Variants in MRTFB observed in about 807,000 individuals in gnomAD.
MRTFB encodes the protein myocardin related transcription factor B.
In MRTFB, 29 loss-of-function variants were observed where a neutral mutation model predicts 104.2. The ratio of observed to expected loss-of-function variants is 0.28; its 90% CI spans 0.21 to 0.38. MRTFB has a LOEUF of 0.38. Among genes scored for constraint, MRTFB ranks in the 10% least tolerant of loss-of-function variants. MRTFB has a pLI of 1.00. For synonymous variants in MRTFB, 535 were observed against 519.5 expected, an observed-to-expected ratio of 1.03 and a Z score of -0.41; for missense variants, 1,270 against 1,341.6, an observed-to-expected ratio of 0.95 and a Z score of 0.83.
At chr16:14,240,696 T>G (rs1227104004) in intron 10 of MRTFB, 6 of 880,234 alleles carry the variant, frequency 6.8e-6, no homozygotes, top group Non-Finnish European at 1.9e-6. Context: ...AAATAGGTTC[T>G]GAATTTTTAC....
chr16:14,240,906 G>C (rs2042739290), intron 10 of MRTFB: 1 of 612,226 alleles, frequency 1.6e-6, no homozygotes, highest in Non-Finnish European at 2.9e-6. Flanking sequence ...TATATAGAAG[G>C]CTCGAGAAGG....
chr16:14,226,908 G>A (rs1450682420), intron 8 of MRTFB, among the ~76,000 whole-genome samples: 3 of 151,972 alleles, frequency 2.0e-5, no homozygotes, highest in Admixed American at 1.3e-4. Flanking sequence ...CTGGAGCCCA[G>A]GTTTGAGGTT....
At chr16:14,120,784 G>T (rs1192226996) in intron 2 of MRTFB, among the ~76,000 whole-genome samples, 1 of 152,150 alleles carries the variant, frequency 6.6e-6, no homozygotes. Context: ...ATAGTGGGTG[G>T]TTGTGCTAGG....
intron 3 of MRTFB, among the ~76,000 whole-genome samples, chr16:14,194,813 T>TA (rs2040356565): frequency 6.6e-6 from 1 of 151,988 alleles, no homozygotes. Context: ...AATTCCTTTG[T>TA]AAAACTCAGT....
Position 14,247,065 on chromosome 16 carries a change from TTGA to T in MRTFB, c.1806_1808del (p.Glu603del). The T allele has an allele frequency of 1.9e-6, 3 of 1,614,086 alleles. No homozygotes were observed. Among genetic ancestry groups the T allele is most frequent in the Non-Finnish European group, 2.5e-6 (3 of 1,180,004 alleles). Reference sequence around the variant, plus strand: ...CTCGTGGAAGTGCTGAAAATGCAACTTGAGGTTGAAAAACGAGGGCAGCAGCAG... The same window carrying T: ...CTCGTGGAAGTGCTGAAAATGCAACTGGTTGAAAAACGAGGGCAGCAGCAG... On this transcript the variant is annotated inframe_deletion, in exon 12 of 17. Transcript: ENST00000571589.
chr16:14,082,338 A>G (rs2034459608), intron 2 of MRTFB, among the ~76,000 whole-genome samples: 3 of 152,260 alleles, frequency 2.0e-5, no homozygotes, highest in African/African-American at 4.8e-5. Context: ...GTCAAAAATC[A>G]GTTGACTGTA....
rs537568245 is a variant in MRTFB at position 14,130,851 on chromosome 16, C to T, written c.-63-9693C>T. Among the ~76,000 whole-genome samples, 12 of 152,220 alleles carry T rather than the reference C, an allele frequency of 7.9e-5. No homozygotes were observed. In the South Asian group the frequency reaches 2.5e-3, roughly 32 times the overall value. On this transcript the variant is annotated intron_variant, in intron 2 of 16. Transcript: ENST00000571589. ...CTTCACGGAACAGCAGGAGAGGGAA[C>T]AATGAGCAAAGAGGGAAAAACACCT...
At chr16:14,023,521 G>C in the MRTFB span, among the ~76,000 whole-genome samples, 1 of 151,652 alleles carries the variant, frequency 6.6e-6, no homozygotes, top group East Asian at 1.9e-4. Flanking sequence ...TAAGCTCTGT[G>C]CTTCAGTTTC....
intron 8 of MRTFB, among the ~76,000 whole-genome samples, chr16:14,228,892 AATG>A (rs2042132778): frequency 6.6e-6 from 1 of 152,118 alleles, no homozygotes; most frequent in Non-Finnish European, 1.5e-5. Flanking sequence ...CAGAAAAGAA[AATG>A]ATGATTGCCT....
intron 3 of MRTFB, chr16:14,152,081 A>T (rs964883835): frequency 6.6e-6 from 1 of 152,164 alleles, no homozygotes; most frequent in African/African-American, 2.4e-5. Flanking sequence ...GATAAGTACT[A>T]TACAGAAGAT....
intron 8 of MRTFB, among the ~76,000 whole-genome samples, chr16:14,226,409 G>A (rs1328354684): frequency 6.6e-6 from 1 of 152,116 alleles, no homozygotes; most frequent in Non-Finnish European, 1.5e-5. Context: ...TTCAACAAAG[G>A]TGCCAAGACC....
intron 1 of MRTFB, among the ~76,000 whole-genome samples, chr16:14,073,195 T>C (rs2033830663): frequency 6.6e-6 from 1 of 152,252 alleles, no homozygotes; most frequent in Non-Finnish European, 1.5e-5. Flanking sequence ...TGCCAGTTTA[T>C]AGTGGGCTTA....
intron 3 of MRTFB, among the ~76,000 whole-genome samples, chr16:14,192,503 A>G (rs1157621014): frequency 6.6e-6 from 1 of 152,234 alleles, no homozygotes; most frequent in African/African-American, 2.4e-5. Flanking sequence ...ATGAAGTTAT[A>G]TAATTTTTTT....
intron 13 of MRTFB, among the ~76,000 whole-genome samples, chr16:14,250,831 G>A (rs948753130): frequency 2.0e-5 from 3 of 152,222 alleles, no homozygotes; most frequent in Non-Finnish European, 4.4e-5. Flanking sequence ...TCGCTGAGAT[G>A]TGTGAACACT....
intron 3 of MRTFB, among the ~76,000 whole-genome samples, chr16:14,192,668 C>T (rs548214178): frequency 6.6e-6 from 1 of 152,258 alleles, no homozygotes; most frequent in Admixed American, 6.5e-5. Flanking sequence ...CCCACATACA[C>T]GAGATAACAG....
chr16:14,263,271 T>C lies in MRTFB; in HGVS notation c.*1827T>C, dbSNP rs2043835527. 2 of 152,264 alleles carry C rather than the reference T, an allele frequency of 1.3e-5. No individual in the cohort carries two copies. Among genetic ancestry groups the C allele is most frequent in the African/African-American group, 4.8e-5 (2 of 41,456 alleles). 9.4% of individuals were successfully genotyped at this position (152,264 alleles called of 1,614,324 possible). A position where few individuals can be genotyped will look rare whatever the true frequency, so the allele number is the denominator to read the frequency against. On this transcript the variant is annotated 3_prime_UTR_variant, in exon 17 of 17. Transcript: ENST00000571589. ...TAACTCTCTGTTAACCAGAACACCG[T>C]CATTTGACCAAGCCCTACAAGAGTT...
At chr16:14,259,057 G>A (rs1013323569) in intron 16 of MRTFB, among the ~76,000 whole-genome samples, 1 of 151,370 alleles carries the variant, frequency 6.6e-6, no homozygotes, top group African/African-American at 2.4e-5. Context: ...TGAAGTTGAC[G>A]TTGACATAGA....
the MRTFB span, chr16:14,009,674 A>C: frequency 6.6e-6 from 1 of 152,158 alleles, no homozygotes; most frequent in Non-Finnish European, 1.5e-5. Flanking sequence ...TATCTGGTTG[A>C]GGAAGTTCCC....
chr16:14,101,679 G>A (rs1410560531), intron 2 of MRTFB, among the ~76,000 whole-genome samples: 1 of 152,180 alleles, frequency 6.6e-6, no homozygotes, highest in African/African-American at 2.4e-5. Flanking sequence ...TTCTGTTGAA[G>A]AGGAGGAAAA....
Sources: gnomAD v4.1 joint callset for allele counts (sites outside exome capture counted in the v4.1 genomes callset) on GRCh38, gnomAD v4.1.1 for gene constraint, MANE v1.5 for transcripts, NCBI Gene and HGNC (gene_info 2026-07-23, HGNC 2026-07-21) for gene names.